ZBTB20: variants seen among roughly 807,000 people sequenced by gnomAD.
ZBTB20 encodes the protein zinc finger and BTB domain containing 20.
In ZBTB20, 9 loss-of-function variants were observed where a neutral mutation model predicts 56.9. That is an observed-to-expected ratio of 0.16 (90% confidence interval 0.10 to 0.28). ZBTB20 has a LOEUF of 0.28. Among genes scored for constraint, ZBTB20 ranks in the 10% least tolerant of loss-of-function variants. The probability of loss-of-function intolerance (pLI) is 1.00; values close to 1 mark genes in which losing one functional copy is unlikely to be tolerated. For synonymous variants in ZBTB20, 417 were observed against 420.7 expected, an observed-to-expected ratio of 0.99 and a Z score of 0.11; for missense variants, 655 against 1,003.0, an observed-to-expected ratio of 0.65 and a Z score of 4.69.
At chr3:114,507,803 C>G (rs892637307) in intron 6 of ZBTB20, among the ~76,000 whole-genome samples, 1 of 151,600 alleles carries the variant, frequency 6.6e-6, no homozygotes, top group Non-Finnish European at 1.5e-5. Context: ...AATCACAATA[C>G]AGTTGAGTAA....
chr3:114,548,990 A>G (rs1521263), intron 6 of ZBTB20, among the ~76,000 whole-genome samples: 58,560 of 152,086 alleles, frequency 0.39, 12,026 homozygotes, highest in African/African-American at 0.52. Flanking sequence ...GGTACTGAAA[A>G]AAGTAAACAA....
chr3:114,571,573 G>T (rs903323062), intron 6 of ZBTB20, among the ~76,000 whole-genome samples: 5 of 152,226 alleles, frequency 3.3e-5, no homozygotes, highest in Non-Finnish European at 4.4e-5. Flanking sequence ...AAGCAGCAAG[G>T]CTTTTGGTAG....
At chr3:114,996,925 A>G (rs1399853242) in intron 2 of ZBTB20, among the ~76,000 whole-genome samples, 1 of 151,964 alleles carries the variant, frequency 6.6e-6, no homozygotes, top group Non-Finnish European at 1.5e-5. Context: ...AATCAAAACC[A>G]CAGTAAGATA....
chr3:114,970,005 T>C (rs950606569), intron 3 of ZBTB20, among the ~76,000 whole-genome samples: 4 of 152,232 alleles, frequency 2.6e-5, no homozygotes, highest in African/African-American at 9.6e-5. Context: ...TTCTTGTAAG[T>C]GAAAGCTTAA....
chr3:114,984,785 T>C (rs369856618), intron 2 of ZBTB20, among the ~76,000 whole-genome samples: 1 of 152,064 alleles, frequency 6.6e-6, no homozygotes, highest in African/African-American at 2.4e-5. Flanking sequence ...GCTAATTTAA[T>C]GTCCTGTTCC....
intron 5 of ZBTB20, among the ~76,000 whole-genome samples, chr3:114,723,692 T>G (rs2065069329): frequency 6.6e-6 from 1 of 152,204 alleles, no homozygotes; most frequent in Non-Finnish European, 1.5e-5. Context: ...CAGCTAGAGT[T>G]GAGGACCAGA....
chr3:114,811,109 A>C (rs1206772541), intron 4 of ZBTB20, among the ~76,000 whole-genome samples: 1 of 152,218 alleles, frequency 6.6e-6, no homozygotes, highest in Non-Finnish European at 1.5e-5. Context: ...ATTCTAAGCA[A>C]TTGTAAAGAA....
intron 7 of ZBTB20, among the ~76,000 whole-genome samples, chr3:114,485,493 A>G (rs2109418642): frequency 6.6e-6 from 1 of 152,320 alleles, no homozygotes; most frequent in East Asian, 1.9e-4. Flanking sequence ...TCTTTTGGTC[A>G]CTACTTGAGT....
At chr3:114,682,300 C>T (rs539372463) in intron 6 of ZBTB20, among the ~76,000 whole-genome samples, 7 of 152,108 alleles carry the variant, frequency 4.6e-5, no homozygotes, top group Non-Finnish European at 8.8e-5. Flanking sequence ...TACTTCTAGA[C>T]GATTGTGGGG....
chr3:114,684,280 CT>C (rs1270482765), intron 6 of ZBTB20, among the ~76,000 whole-genome samples: 1 of 152,130 alleles, frequency 6.6e-6, no homozygotes, highest in Non-Finnish European at 1.5e-5. Context: ...CTTTAGGGAG[CT>C]TTTCCCAAAA....
chr3:114,473,903 C>G lies in ZBTB20; in HGVS notation c.-255+26449G>C, dbSNP rs184202010. 7.2e-5 allele frequency among the ~76,000 whole-genome samples: 11 copies of G among 152,276 alleles called. No individual in the cohort carries two copies. The East Asian group carries it at 2.1e-3, about 29-fold the overall frequency. On this transcript the variant is annotated intron_variant, in intron 7 of 11. Coordinates refer to ENST00000675478, the MANE Select transcript of ZBTB20 (RefSeq NM_001348800.3). ...AGTGTATGAGTCCATTTGCACACTG[C>G]TGATAAATACATACCCAAGATTGGG... is the stretch of plus-strand genomic sequence containing the variant.
intron 2 of ZBTB20, among the ~76,000 whole-genome samples, chr3:114,976,446 C>T (rs376614129): frequency 2.0e-5 from 3 of 151,886 alleles, no homozygotes; most frequent in East Asian, 1.9e-4. Context: ...CTCAACATGG[C>T]GAAACCCCAT....
intron 10 of ZBTB20, among the ~76,000 whole-genome samples, chr3:114,357,807 T>C (rs2081406783): frequency 6.6e-6 from 1 of 152,220 alleles, no homozygotes; most frequent in African/African-American, 2.4e-5. Flanking sequence ...GTTGAACTGA[T>C]ATTTTCCATT....
chr3:114,894,367 G>GTA (rs775905917), intron 4 of ZBTB20, among the ~76,000 whole-genome samples: 55 of 151,958 alleles, frequency 3.6e-4, no homozygotes, highest in Non-Finnish European at 5.9e-4. Context: ...ATGTGCATAT[G>GTA]TATATATATA....
At chr3:114,375,649 C>T (rs1278275623) in intron 10 of ZBTB20, 1 of 152,188 alleles carries the variant, frequency 6.6e-6, no homozygotes, top group African/African-American at 2.4e-5. Flanking sequence ...TGGCCAGAAA[C>T]CTTTGTCTAC....
chr3:114,362,174 G>A (rs978603155), intron 10 of ZBTB20, among the ~76,000 whole-genome samples: 5 of 151,992 alleles, frequency 3.3e-5, no homozygotes, highest in African/African-American at 7.3e-5. Context: ...GGAGTGTTGG[G>A]GAAGTTCACC....
intron 2 of ZBTB20, among the ~76,000 whole-genome samples, chr3:115,048,142 G>A (rs1375258990): frequency 4.6e-5 from 7 of 151,996 alleles, no homozygotes; most frequent in African/African-American, 9.7e-5. Context: ...GGAGAATGGC[G>A]TGAACCCGGG....
chr3:114,926,063 G>T (rs1000218853), intron 3 of ZBTB20, among the ~76,000 whole-genome samples: 1 of 152,166 alleles, frequency 6.6e-6, no homozygotes, highest in Non-Finnish European at 1.5e-5. Flanking sequence ...ACTTAAGACA[G>T]AATTTATACA....
chr3:114,863,856 C>T lies in ZBTB20; in HGVS notation c.-417+36448G>A, dbSNP rs372282273. 2.6e-5 allele frequency among the ~76,000 whole-genome samples: 4 copies of T among 151,772 alleles called. No homozygotes were observed. In the East Asian group the frequency reaches 7.7e-4, roughly 29 times the overall value. ...CACTCTATAAGAAAACCAAAGAGGC[C>T]AAGGGACATTAAGTTTGGTGTTTAA... is the stretch of plus-strand genomic sequence containing the variant. On this transcript the variant is annotated intron_variant, in intron 4 of 11. Coordinates refer to ENST00000675478, the MANE Select transcript of ZBTB20 (RefSeq NM_001348800.3).
Sources: allele counts gnomAD v4.1 joint callset (sites outside exome capture counted in the v4.1 genomes callset), GRCh38; gene constraint gnomAD v4.1.1; transcripts MANE v1.5; gene names NCBI Gene and HGNC (gene_info 2026-07-23, HGNC 2026-07-21).